The following PEPD variants were observed in gnomAD, a reference collection of about 807,000 sequenced individuals.
PEPD encodes peptidase D.
PEPD carries 53 observed loss-of-function variants against 60.7 expected under a neutral mutation model. The observed-to-expected ratio is 0.87, with a 90% CI of 0.70 to 1.10. PEPD has a LOEUF of 1.10. Among genes scored for constraint, PEPD ranks in the 50% least tolerant of loss-of-function variants. The pLI is 0.00. For missense variants in PEPD, 711 were observed against 711.9 expected (o/e 1.00, Z 0.01); for synonymous variants, 267 against 284.1 (o/e 0.94, Z 0.60).
At chr19:33,455,090 A>T (rs1969771693) in intron 9 of PEPD, among the ~76,000 whole-genome samples, 1 of 152,252 alleles carries the variant, frequency 6.6e-6, no homozygotes, top group African/African-American at 2.4e-5. Context: ...ATGGTCTCCC[A>T]GATGGGATCC....
chr19:33,434,648 A>T (rs1969340344), intron 9 of PEPD, among the ~76,000 whole-genome samples: 1 of 151,764 alleles, frequency 6.6e-6, no homozygotes, highest in Non-Finnish European at 1.5e-5. Context: ...AGAAATGGAA[A>T]GTTTATCGTG....
intron 11 of PEPD, among the ~76,000 whole-genome samples, chr19:33,402,233 A>C (rs531186910): frequency 7.0e-4 from 106 of 152,198 alleles, no homozygotes; most frequent in Admixed American, 1.2e-3. Context: ...AAGGAGAGGC[A>C]GAGATGCCCC....
rs896741531 is a variant in PEPD at position 33,410,275 on chromosome 19, G to A, written c.818+1397C>T. 2.0e-5 allele frequency among the ~76,000 whole-genome samples: 3 copies of A among 152,388 alleles called. No homozygotes were observed. In the East Asian group the frequency reaches 5.8e-4, roughly 29 times the overall value. On this transcript the variant is annotated intron_variant, in intron 11 of 14. Coordinates refer to ENST00000244137, the MANE Select transcript of PEPD (RefSeq NM_000285.4). ...AGCTGAGCTCCTGCCAGCATGGCCT[G>A]AGCTGGAACAGCTCATCAGCTATGG...
At chr19:33,476,430 T>A (rs947255191) in intron 7 of PEPD, among the ~76,000 whole-genome samples, 1 of 152,122 alleles carries the variant, frequency 6.6e-6, no homozygotes. Context: ...ACACACCACC[T>A]AGCTATGCGG....
intron 13 of PEPD, among the ~76,000 whole-genome samples, chr19:33,390,614 G>A (rs1486416280): frequency 6.6e-6 from 1 of 151,902 alleles, no homozygotes; most frequent in Non-Finnish European, 1.5e-5. Flanking sequence ...CGCCCCAGCC[G>A]CCCAGCCGAG....
chr19:33,484,062 G>A (rs1047938894), intron 6 of PEPD, among the ~76,000 whole-genome samples: 1 of 152,176 alleles, frequency 6.6e-6, no homozygotes, highest in African/African-American at 2.4e-5. Flanking sequence ...GGTAACAGCA[G>A]ACTGAGAGGA....
In PEPD at chr19:33,387,454, T is replaced by G. The variant is rs779654734; in HGVS notation, c.1372A>C (p.Thr458Pro). The G allele has an allele frequency of 4.3e-6, 7 of 1,613,756 alleles. No individual in the cohort carries two copies. The Admixed American group carries it at 1.0e-4, about 23-fold the overall frequency. Reference protein sequence around the residue: ...GVRIEEDVVVTDSGIELLTCV... With the variant: ...GVRIEEDVVVPDSGIELLTCV... ...GTCAGCAGCTCTATGCCGCTGTCAG[T>G]CACCACGACGTCCTCCTCGATGCGG... is the stretch of plus-strand genomic sequence containing the variant. Residue 458 changes from threonine (T) to proline (P), a missense_variant, in exon 15 of 15, where the codon ACT becomes CCT. Transcript: ENST00000244137.
At chr19:33,512,889 A>G in intron 1 of PEPD, 113 bp from the exon 2 acceptor site, 2 of 1,166,296 alleles carry the variant, frequency 1.7e-6, no homozygotes, top group Non-Finnish European at 2.6e-6. Flanking sequence ...GACCCCCATC[A>G]GCACGGGGCA....
At chr19:33,398,136 C>T (rs983729072) in intron 12 of PEPD, among the ~76,000 whole-genome samples, 2 of 152,246 alleles carry the variant, frequency 1.3e-5, no homozygotes, top group African/African-American at 4.8e-5. Flanking sequence ...GTCAATCCGC[C>T]GCCCTGCTCC....
chr19:33,492,695 G>A (rs1433631961), intron 5 of PEPD, among the ~76,000 whole-genome samples: 1 of 152,106 alleles, frequency 6.6e-6, no homozygotes, highest in African/African-American at 2.4e-5. Context: ...AATTCCAGGA[G>A]CTCAGCCTGA....
intron 10 of PEPD, 34 bp downstream of exon 10, chr19:33,413,541 G>C (rs765130895): frequency 1.3e-4 from 180 of 1,336,492 alleles, no homozygotes; most frequent in Non-Finnish European, 1.8e-4. Flanking sequence ...CCTCCCACTG[G>C]TCACCCCCAG....
chr19:33,452,467 G>A (rs1423376683), intron 9 of PEPD, among the ~76,000 whole-genome samples: 2 of 152,088 alleles, frequency 1.3e-5, no homozygotes, highest in East Asian at 3.8e-4. Flanking sequence ...AAATCAATGA[G>A]TTTGACCAAC....
intron 10 of PEPD, among the ~76,000 whole-genome samples, chr19:33,413,042 G>C (rs1003012004): frequency 6.6e-6 from 1 of 152,218 alleles, no homozygotes; most frequent in Non-Finnish European, 1.5e-5. Flanking sequence ...CACCCACACA[G>C]AGCCCTGCCC....
At chr19:33,514,175 G>A (rs1970984902) in intron 1 of PEPD, among the ~76,000 whole-genome samples, 1 of 152,302 alleles carries the variant, frequency 6.6e-6, no homozygotes, top group East Asian at 1.9e-4. Flanking sequence ...GGGTGTGCAG[G>A]AGGGAGCCCC....
rs560957547 is a variant in PEPD, at chr19:33,391,864, G to A, written c.968-385C>T. 7.5e-4 allele frequency among the ~76,000 whole-genome samples: 114 copies of A among 152,304 alleles called. 1 individual carries two copies. Among genetic ancestry groups the A allele is most frequent in the African/African-American group, 2.5e-3 (106 of 41,576 alleles). ...CCTGGGCACCAGGAGAAACATGCAC[G>A]TCTCCCCAGTAGCAGACACCAGGAG... On this transcript the variant is annotated intron_variant, in intron 12 of 14. Coordinates refer to ENST00000244137, the MANE Select transcript of PEPD (RefSeq NM_000285.4).
At chr19:33,411,442 C>T (rs1295020397) in intron 11 of PEPD, among the ~76,000 whole-genome samples, 1 of 152,192 alleles carries the variant, frequency 6.6e-6, no homozygotes, top group Non-Finnish European at 1.5e-5. Context: ...GGGCCCCTCT[C>T]CTGCACCCTC....
At chr19:33,393,525 C>T (rs1349577685) in intron 12 of PEPD, among the ~76,000 whole-genome samples, 4 of 145,730 alleles carry the variant, frequency 2.7e-5, no homozygotes, top group African/African-American at 1.1e-4. Context: ...CAAACAGCCC[C>T]ACCTCCGTGA....
At chr19:33,485,259 C>T (rs144832558) in intron 6 of PEPD, among the ~76,000 whole-genome samples, 6,931 of 150,366 alleles carry the variant, frequency 0.046, 533 homozygotes, top group African/African-American at 0.16. Flanking sequence ...TTTGGGAGGC[C>T]GAGGCAGGTG....
chr19:33,519,977 G>A (rs1365254040), intron 1 of PEPD, among the ~76,000 whole-genome samples: 1 of 151,870 alleles, frequency 6.6e-6, no homozygotes, highest in Non-Finnish European at 1.5e-5. Flanking sequence ...TGAGGCAGAA[G>A]ACTCGCTTGA....
Sources: allele counts gnomAD v4.1 joint callset (sites outside exome capture counted in the v4.1 genomes callset), GRCh38; gene constraint gnomAD v4.1.1; transcripts MANE v1.5; gene names NCBI Gene and HGNC (gene_info 2026-07-23, HGNC 2026-07-21).